The following ATP13A4 variants were observed in gnomAD, a reference collection of about 807,000 sequenced individuals.
ATP13A4 encodes the protein ATPase 13A4.
In ATP13A4, 114 loss-of-function variants were observed where a neutral mutation model predicts 142.5. The ratio of observed to expected loss-of-function variants is 0.80; its 90% CI spans 0.69 to 0.93. The LOEUF (loss-of-function observed/expected upper bound fraction) is 0.93, where lower values mean the gene tolerates loss of function less well. Ranked by LOEUF, ATP13A4 falls within the 40% of genes least tolerant of loss-of-function variation. The probability of loss-of-function intolerance (pLI) is 0.00; values close to 1 mark genes in which losing one functional copy is unlikely to be tolerated. For missense variants in ATP13A4, 1,392 were observed against 1,454.0 expected, an observed-to-expected ratio of 0.96 and a Z score of 0.69; for synonymous variants, 488 against 514.8, an observed-to-expected ratio of 0.95 and a Z score of 0.70.
intron 1 of ATP13A4, among the ~76,000 whole-genome samples, chr3:193,532,815 A>G (rs576089366): frequency 1.3e-5 from 2 of 152,208 alleles, no homozygotes; most frequent in Non-Finnish European, 2.9e-5. Context: ...ACACCAGGGG[A>G]GTAGTTAAGT....
Position 193,402,597 on chromosome 3 carries a change from C to G in ATP13A4, c.*55G>C. 1 of 787,882 alleles carries G rather than the reference C, an allele frequency of 1.3e-6. No individual in the cohort carries two copies. Among genetic ancestry groups the G allele is most frequent in the Admixed American group, 1.7e-5 (1 of 58,744 alleles). 48.8% of individuals were successfully genotyped at this position (787,882 alleles called of 1,614,324 possible). On this transcript the variant is annotated 3_prime_UTR_variant, in exon 30 of 30. Coordinates refer to ENST00000342695, the MANE Select transcript of ATP13A4 (RefSeq NM_032279.4). ...GTCTCATTTCTTAAAATCAATGAAA[C>G]TGGTCCCTTTTGTCATTGTTTCTCT...
At chr3:193,504,172 AG>A (rs1317245961) in intron 2 of ATP13A4, among the ~76,000 whole-genome samples, 1 of 152,186 alleles carries the variant, frequency 6.6e-6, no homozygotes, top group Non-Finnish European at 1.5e-5. Flanking sequence ...TTAAAAAAAA[AG>A]GTGACTAAAT....
chr3:193,443,999 G>T (rs1251486903), intron 18 of ATP13A4, among the ~76,000 whole-genome samples: 3 of 151,840 alleles, frequency 2.0e-5, no homozygotes, highest in South Asian at 2.1e-4. Context: ...AGGAAAAAAG[G>T]TTGAAAAAGA....
chr3:193,505,421 C>T (rs919760763), intron 2 of ATP13A4, among the ~76,000 whole-genome samples: 1 of 152,138 alleles, frequency 6.6e-6, no homozygotes, highest in Non-Finnish European at 1.5e-5. Context: ...GTATTAAAAA[C>T]TGACATTCAT....
intron 8 of ATP13A4, among the ~76,000 whole-genome samples, chr3:193,472,232 A>G (rs966966913): frequency 1.3e-5 from 2 of 152,232 alleles, no homozygotes; most frequent in African/African-American, 4.8e-5. Flanking sequence ...TAAACAATGT[A>G]TAAGTTTTCC....
chr3:193,480,607 T>C (rs1022674208), intron 8 of ATP13A4, among the ~76,000 whole-genome samples: 4 of 152,064 alleles, frequency 2.6e-5, no homozygotes, highest in African/African-American at 7.2e-5. Flanking sequence ...AGAACGGCCA[T>C]AATCAAAAAA....
In ATP13A4 at chr3:193,442,378, T is replaced by C. The variant is rs753468448; in HGVS notation, c.2316+15A>G. ...CACATTGATAATGTGGCAGAAGGTCTGTGTTCAGGAGTACCTGATTCCCAT... is the reference window on the plus strand; with the variant it reads ...CACATTGATAATGTGGCAGAAGGTCCGTGTTCAGGAGTACCTGATTCCCAT... On this transcript the variant is annotated intron_variant, in intron 19 of 29. Coordinates refer to ENST00000342695, the MANE Select transcript of ATP13A4 (RefSeq NM_032279.4). 7 of 1,611,928 alleles carry C rather than the reference T, an allele frequency of 4.3e-6. No homozygotes were observed. Among genetic ancestry groups the C allele is most frequent in the Non-Finnish European group, 5.9e-6 (7 of 1,178,152 alleles).
chr3:193,585,375 G>A (rs189988407), intron 1 of ATP13A4, among the ~76,000 whole-genome samples: 234 of 152,212 alleles, frequency 1.5e-3, no homozygotes, highest in African/African-American at 4.8e-3. Flanking sequence ...AGCTGAGATC[G>A]CGTCATTGCA....
chr3:193,578,421 C>G (rs1451052987), intron 2 of ATP13A4, among the ~76,000 whole-genome samples: 2 of 152,014 alleles, frequency 1.3e-5, no homozygotes, highest in African/African-American at 4.8e-5. Flanking sequence ...TTCTGGGAAG[C>G]AACTGCTGCC....
intron 1 of ATP13A4, among the ~76,000 whole-genome samples, chr3:193,522,426 A>T (rs551929494): frequency 6.6e-6 from 1 of 152,222 alleles, no homozygotes; most frequent in Non-Finnish European, 1.5e-5. Context: ...ACAATCCTGT[A>T]AGGAAGGTAG....
intron 25 of ATP13A4, among the ~76,000 whole-genome samples, chr3:193,428,606 C>T (rs1378628507): frequency 6.6e-6 from 1 of 151,934 alleles, no homozygotes; most frequent in African/African-American, 2.4e-5. Context: ...GAATACTATG[C>T]AGCCATAAAA....
chr3:193,472,070 GAGC>G (rs1718661519), intron 8 of ATP13A4, among the ~76,000 whole-genome samples: 1 of 152,204 alleles, frequency 6.6e-6, no homozygotes, highest in African/African-American at 2.4e-5. Flanking sequence ...GGGGCAGTGG[GAGC>G]ATCAGCGGTG....
chr3:193,502,441 G>C (rs1014781821), intron 3 of ATP13A4, 52 bp downstream of exon 3: 19 of 1,583,590 alleles, frequency 1.2e-5, no homozygotes, highest in Non-Finnish European at 1.6e-5. Context: ...TATACTTGAG[G>C]GGAAAAAGAT....
intron 25 of ATP13A4, among the ~76,000 whole-genome samples, chr3:193,415,966 G>T (rs565785922): frequency 6.6e-6 from 1 of 152,294 alleles, no homozygotes; most frequent in Admixed American, 6.5e-5. Context: ...TTCAGCTCTG[G>T]ATTATCTCCA....
rs1323825756 is a variant in ATP13A4, at chr3:193,502,526, G to A, written c.348C>T (p.Ile116=). 2 of 1,613,996 alleles carry A rather than the reference G, an allele frequency of 1.2e-6. No homozygotes were observed. The highest frequency in any genetic ancestry group is 8.5e-7 in the Non-Finnish European group (1 of 1,179,928). ...CTGGCTTTCTTATGGCTCTATTTAT[G>A]ATATACTCCTCATCTGTCATGAGAG... is the stretch of plus-strand genomic sequence containing the variant. ...DHPLMTDEEY[I]INRAIRKPDL... Residue 116 remains isoleucine, a synonymous_variant, in exon 3 of 30, where the codon ATC becomes ATT. Transcript: ENST00000342695.
At chr3:193,456,959 G>A (rs779466516) in intron 16 of ATP13A4, 41 bp downstream of exon 16, 4 of 1,580,874 alleles carry the variant, frequency 2.5e-6, no homozygotes, top group African/African-American at 2.7e-5. Context: ...TTTATCTGGA[G>A]ATACAGATTT....
chr3:193,580,528 C>T (rs1401574476), intron 2 of ATP13A4, among the ~76,000 whole-genome samples: 1 of 152,158 alleles, frequency 6.6e-6, no homozygotes, highest in African/African-American at 2.4e-5. Flanking sequence ...AGGGTGCTAG[C>T]AAGCTAGTAT....
rs909101604 is a variant in ATP13A4, at chr3:193,399,115, G to T, written c.*3537C>A. ...GATACAGATGTCACAGACATATTTA[G>T]TGAGGGAAGCCCAGAGTCACGGTTC... On this transcript the variant is annotated 3_prime_UTR_variant, in exon 30 of 30. Coordinates refer to ENST00000342695, the MANE Select transcript of ATP13A4 (RefSeq NM_032279.4). Among the ~76,000 whole-genome samples the T allele has an allele frequency of 6.6e-6, 1 of 152,254 alleles. No homozygotes were observed. Among genetic ancestry groups the T allele is most frequent in the South Asian group, 2.1e-4 (1 of 4,818 alleles).
chr3:193,541,128 A>G (rs1277451277), intron 1 of ATP13A4, among the ~76,000 whole-genome samples: 2 of 151,384 alleles, frequency 1.3e-5, no homozygotes. Flanking sequence ...AGGCGCCTGT[A>G]GTCCCAGCTA....
Sources: gnomAD v4.1 joint callset for allele counts (sites outside exome capture counted in the v4.1 genomes callset) on GRCh38, gnomAD v4.1.1 for gene constraint, MANE v1.5 for transcripts, NCBI Gene and HGNC (gene_info 2026-07-23, HGNC 2026-07-21) for gene names.